The following MAP2K2 variants were observed in gnomAD, a reference collection of about 807,000 sequenced individuals.
MAP2K2 encodes the protein mitogen-activated protein kinase kinase 2, also known as dual specificity mitogen-activated protein kinase kinase 2.
A neutral mutation model predicts 43.7 loss-of-function variants in MAP2K2; 24 were observed. The observed-to-expected ratio is 0.55, with a 90% CI of 0.40 to 0.77. The LOEUF (loss-of-function observed/expected upper bound fraction) is 0.77. Ranked by LOEUF, MAP2K2 falls within the 30% of genes least tolerant of loss-of-function variation. The pLI, the probability that MAP2K2 is intolerant of heterozygous loss-of-function variation, is 0.00. For missense variants in MAP2K2, 470 were observed against 566.8 expected (o/e 0.83, Z 1.73); for synonymous variants, 244 against 239.7 (o/e 1.02, Z -0.17).
chr19:4,121,753 GCTAAAGCCCCCCCATGT>G, intron 1 of MAP2K2, among the ~76,000 whole-genome samples: 1 of 61,448 alleles, frequency 1.6e-5, no homozygotes, highest in Non-Finnish European at 3.1e-5. Context: ...TCCTGACCCC[GCTAAAGCCCCCCCATGT>G]CCTGACACCC....
intron 1 of MAP2K2, among the ~76,000 whole-genome samples, chr19:4,117,866 G>A (rs181442157): frequency 1.6e-4 from 25 of 152,266 alleles, no homozygotes; most frequent in Admixed American, 7.9e-4. Flanking sequence ...GTCTCAACAA[G>A]TCTAGCAGAC....
intron 10 of MAP2K2, 70 bp from the exon 11 acceptor site, chr19:4,090,778 C>A (rs1599278109): frequency 1.9e-6 from 2 of 1,042,624 alleles, no homozygotes; most frequent in South Asian, 1.4e-5. Flanking sequence ...CCAGCGTCTG[C>A]CCAGCCCTGG....
chr19:4,108,135 G>A (rs1478684299), intron 3 of MAP2K2, among the ~76,000 whole-genome samples: 2 of 152,210 alleles, frequency 1.3e-5, no homozygotes, highest in African/African-American at 2.4e-5. Context: ...TCACAGGGCC[G>A]GCGAGGATGG....
intron 2 of MAP2K2, among the ~76,000 whole-genome samples, chr19:4,114,282 G>A (rs1001278553): frequency 6.6e-6 from 1 of 152,144 alleles, no homozygotes; most frequent in Non-Finnish European, 1.5e-5. Flanking sequence ...ACACAGCCTC[G>A]GTTTCTTCAA....
intron 2 of MAP2K2, among the ~76,000 whole-genome samples, chr19:4,114,667 G>T (rs565201594): frequency 6.6e-6 from 1 of 152,332 alleles, no homozygotes; most frequent in East Asian, 1.9e-4. Flanking sequence ...ACCGAGACTG[G>T]GCCAGGCGCG....
At chr19:4,114,628 G>C (rs2041197955) in intron 2 of MAP2K2, among the ~76,000 whole-genome samples, 1 of 152,198 alleles carries the variant, frequency 6.6e-6, no homozygotes, top group Non-Finnish European at 1.5e-5. Flanking sequence ...AAGCCAAAAA[G>C]ACATTTACAA....
chr19:4,123,744 C>G (rs2041334218), intron 1 of MAP2K2, 40 bp downstream of exon 1: 1 of 1,480,940 alleles, frequency 6.8e-7, no homozygotes, highest in African/African-American at 1.4e-5. Flanking sequence ...GCTCCCTGCC[C>G]CGTGCACCCC....
intron 2 of MAP2K2, among the ~76,000 whole-genome samples, chr19:4,114,991 C>T (rs532329964): frequency 2.0e-5 from 3 of 152,266 alleles, no homozygotes; most frequent in South Asian, 2.1e-4. Context: ...GCCCTTGCAG[C>T]CCTACCTGCA....
chr19:4,099,893 G>T (rs549380507), intron 6 of MAP2K2: 2 of 206,140 alleles, frequency 9.7e-6, no homozygotes, highest in South Asian at 2.8e-4. Flanking sequence ...GGAAGCCCAG[G>T]AGTTAAGACT....
At chr19:4,104,288 G>A (rs1028805683) in intron 3 of MAP2K2, among the ~76,000 whole-genome samples, 3 of 138,810 alleles carry the variant, frequency 2.2e-5, no homozygotes, top group Non-Finnish European at 4.6e-5. Flanking sequence ...AAAAAAAGCC[G>A]CACGTGGTGG....
At chr19:4,116,586 C>T (rs111516474) in intron 2 of MAP2K2, among the ~76,000 whole-genome samples, 77 of 152,224 alleles carry the variant, frequency 5.1e-4, no homozygotes, top group African/African-American at 1.8e-3. Flanking sequence ...CCTCTCTGGG[C>T]GATGTCGTCA....
chr19:4,118,318 G>A (rs1041321597), intron 1 of MAP2K2, among the ~76,000 whole-genome samples: 4 of 151,214 alleles, frequency 2.6e-5, no homozygotes, highest in Non-Finnish European at 4.4e-5. Context: ...AACGGAGCCC[G>A]GGCCAAGATG....
chr19:4,098,510 A>T (rs1394809210), intron 7 of MAP2K2, among the ~76,000 whole-genome samples: 5 of 151,978 alleles, frequency 3.3e-5, no homozygotes, highest in Admixed American at 2.6e-4. Context: ...GTCTGACTTT[A>T]AAAAAAATCA....
At chr19:4,112,082 T>G (rs350899) in intron 2 of MAP2K2, among the ~76,000 whole-genome samples, 56,878 of 152,078 alleles carry the variant, frequency 0.37, 12,628 homozygotes, top group East Asian at 0.61. Flanking sequence ...GCCTGAGGCT[T>G]TGGGACGGCA....
intron 2 of MAP2K2, among the ~76,000 whole-genome samples, chr19:4,116,515 A>C (rs2041222980): frequency 6.7e-6 from 1 of 150,198 alleles, no homozygotes; most frequent in African/African-American, 2.5e-5. Context: ...ATTCCTTAGA[A>C]TAAATCTCTC....
At position 4,101,383 on chromosome 19, in the gene MAP2K2, G is replaced by T; in HGVS notation, c.529-103C>A. On this transcript the variant is annotated intron_variant, in intron 4 of 10. Transcript: ENST00000262948. The surrounding 1 kb of genome is among the most constrained non-coding windows in gnomAD (Gnocchi z 6.3). ...GAGCAGTCAGAGCTGGAGCGAGGGA[G>T]CTGCGGCAGGAACCATTTCAGGCTG... 2 of 1,299,184 alleles carry T rather than the reference G, an allele frequency of 1.5e-6. No homozygotes were observed. Among genetic ancestry groups the T allele is most frequent in the Non-Finnish European group, 2.2e-6 (2 of 919,210 alleles). 80.5% of individuals were successfully genotyped at this position (1,299,184 alleles called of 1,614,324 possible).
chr19:4,121,035 C>T (rs542513802), intron 1 of MAP2K2, among the ~76,000 whole-genome samples: 6 of 152,152 alleles, frequency 3.9e-5, no homozygotes, highest in African/African-American at 1.4e-4. Context: ...GCACGGCACC[C>T]GGACCCCAGC....
chr19:4,099,650 A>G, intron 6 of MAP2K2: 1 of 582,024 alleles, frequency 1.7e-6, no homozygotes, highest in South Asian at 2.1e-5. Flanking sequence ...CAGCTCTTGA[A>G]GAGCCTGCAA....
At position 4,090,858 on chromosome 19, in the gene MAP2K2, G is replaced by C. The variant is rs771590643; in HGVS notation, c.1093-150C>G. On this transcript the variant is annotated intron_variant, in intron 10 of 10. Transcript: ENST00000262948. ...TTCCCCACAGGAAGACGCACTCGGG[G>C]TAGGAGAGGGAAAGAAACCCAGAAA... 1.8e-5 allele frequency: 13 copies of C among 705,484 alleles called. No individual in the cohort carries two copies. In the East Asian group the frequency reaches 3.5e-4, roughly 19 times the overall value. 43.7% of individuals were successfully genotyped at this position (705,484 alleles called of 1,614,324 possible).
Sources: gnomAD v4.1 joint callset for allele counts (sites outside exome capture counted in the v4.1 genomes callset) on GRCh38, gnomAD v4.1.1 for gene constraint, Gnocchi (gnomAD v3.1) non-coding constraint, MANE v1.5 for transcripts, NCBI Gene and HGNC (gene_info 2026-07-23, HGNC 2026-07-21) for gene names.